The following MISFA variants were observed in gnomAD, a reference collection of about 807,000 sequenced individuals.
MISFA encodes mitochondrial sheath formation-associated protein.
chr11:18,609,019 CTTATT>C, the MISFA span: 1 of 152,042 alleles, frequency 6.6e-6, no homozygotes, highest in Non-Finnish European at 1.5e-5. Flanking sequence ...ATGTTACTTC[CTTATT>C]TTATAAACTA....
At chr11:18,609,595 C>T in the MISFA span, 1 of 455,344 alleles carries the variant, frequency 2.2e-6, no homozygotes, top group Non-Finnish European at 3.9e-6. Context: ...GAGTGCATAG[C>T]TCATCAGGAT....
the MISFA span, chr11:18,609,787 G>T: frequency 7.5e-7 from 1 of 1,333,242 alleles, no homozygotes; most frequent in Middle Eastern, 1.9e-4. Flanking sequence ...ATGATAAGGG[G>T]GCTTCTTCAG....
chr11:18,601,424 A>G, the MISFA span: 3 of 395,730 alleles, frequency 7.6e-6, no homozygotes, highest in African/African-American at 6.3e-5. Context: ...ACACTGTAAT[A>G]TATTATACTA....
chr11:18,602,944 C>CT, the MISFA span: 1 of 392,580 alleles, frequency 2.5e-6, no homozygotes, highest in Non-Finnish European at 4.5e-6. Context: ...GCTCTGCCCC[C>CT]CTAAATGGCC....
chr11:18,605,188 C>T, the MISFA span, among the ~76,000 whole-genome samples: 8 of 151,542 alleles, frequency 5.3e-5, no homozygotes, highest in South Asian at 8.4e-4. Flanking sequence ...TACAGTGAGC[C>T]GAGATTGCAC....
the MISFA span, chr11:18,603,925 T>C: frequency 2.9e-6 from 1 of 350,238 alleles, no homozygotes; most frequent in Non-Finnish European, 4.8e-6. Context: ...CACTTTTTTT[T>C]TTTTTTTTTT....
At chr11:18,604,793 G>A in the MISFA span, among the ~76,000 whole-genome samples, 1 of 152,212 alleles carries the variant, frequency 6.6e-6, no homozygotes, top group Non-Finnish European at 1.5e-5. Flanking sequence ...TGAGGGGCAT[G>A]TTTATCTTGC....
chr11:18,604,134 T>A, the MISFA span, among the ~76,000 whole-genome samples: 2 of 151,776 alleles, frequency 1.3e-5, no homozygotes, highest in African/African-American at 2.4e-5. Context: ...CACCGTGTTA[T>A]CCAGGATGGT....
At chr11:18,600,049 C>T in the MISFA span, 1 of 398,932 alleles carries the variant, frequency 2.5e-6, no homozygotes, top group African/African-American at 2.1e-5. Flanking sequence ...TGTGCTGGCT[C>T]ATCTTCCTGT....
At chr11:18,606,071 A>C in the MISFA span, among the ~76,000 whole-genome samples, 44 of 152,298 alleles carry the variant, frequency 2.9e-4, no homozygotes, top group South Asian at 8.5e-3. Flanking sequence ...GACAAGAGGA[A>C]CCATATACCC....
the MISFA span, chr11:18,603,753 T>C: frequency 2.5e-6 from 1 of 398,858 alleles, no homozygotes; most frequent in Non-Finnish European, 4.4e-6. Flanking sequence ...TGACACACAC[T>C]TTCTTTTTTC....
At chr11:18,600,512 CTTTTTTTTTTT>C in the MISFA span, among the ~76,000 whole-genome samples, 1 of 54,030 alleles carries the variant, frequency 1.9e-5, no homozygotes, top group African/African-American at 8.3e-5. Context: ...TGGGGACATC[CTTTTTTTTTTT>C]TTTTTTTTTT....
the MISFA span, chr11:18,609,577 C>A: frequency 2.9e-6 from 1 of 341,466 alleles, no homozygotes; most frequent in South Asian, 6.8e-5. Flanking sequence ...GTGAGTGGCC[C>A]CACATTAGAG....
At chr11:18,605,558 A>G in the MISFA span, among the ~76,000 whole-genome samples, 1 of 152,176 alleles carries the variant, frequency 6.6e-6, no homozygotes, top group African/African-American at 2.4e-5. Flanking sequence ...TAAATTCAAA[A>G]TCCATAAGCA....
At chr11:18,602,886 G>T in the MISFA span, 13 of 366,372 alleles carry the variant, frequency 3.5e-5, no homozygotes, top group Admixed American at 4.2e-4. Context: ...TGCTCATGCT[G>T]ACTGGGTTGC....
the MISFA span, chr11:18,601,108 G>A: frequency 5.0e-6 from 2 of 398,634 alleles, no homozygotes; most frequent in Non-Finnish European, 4.4e-6. Flanking sequence ...ACTCTGAAGT[G>A]GCAGGAGAGG....
chr11:18,604,532 A>C, the MISFA span, among the ~76,000 whole-genome samples: 1 of 151,680 alleles, frequency 6.6e-6, no homozygotes, highest in Non-Finnish European at 1.5e-5. Flanking sequence ...GTGTGGTGGC[A>C]CGTCTGTAGT....
At chr11:18,601,714 C>T in the MISFA span, 5 of 393,532 alleles carry the variant, frequency 1.3e-5, no homozygotes, top group Non-Finnish European at 2.2e-5. Flanking sequence ...CTTGCCAGGA[C>T]CAGCATTTTT....
At chr11:18,609,112 T>A in the MISFA span, 1 of 152,210 alleles carries the variant, frequency 6.6e-6, no homozygotes, top group Non-Finnish European at 1.5e-5. Flanking sequence ...TAAAAATCAA[T>A]CAGCACAGTG....
Sources: allele counts gnomAD v4.1 joint callset (sites outside exome capture counted in the v4.1 genomes callset), GRCh38; gene constraint gnomAD v4.1.1; transcripts MANE v1.5; gene names NCBI Gene and HGNC (gene_info 2026-07-23, HGNC 2026-07-21).